TSHZ2: variants seen among roughly 807,000 people sequenced by gnomAD.
The protein encoded by TSHZ2 is teashirt homolog 2.
A neutral mutation model predicts 74.4 loss-of-function variants in TSHZ2; 21 were observed. The ratio of observed to expected loss-of-function variants is 0.28; its 90% confidence interval spans 0.20 to 0.41. The LOEUF (loss-of-function observed/expected upper bound fraction) is 0.41, where lower values mean the gene tolerates loss of function less well. Ranked by LOEUF, TSHZ2 falls within the 10% of genes least tolerant of loss-of-function variation. TSHZ2 has a pLI of 1.00. For synonymous variants in TSHZ2, 540 were observed against 515.3 expected (o/e 1.05, Z -0.65); for missense variants, 1,244 against 1,293.5 (o/e 0.96, Z 0.59).
chr20:53,297,128 C>A (rs1991394356), intron 2 of TSHZ2, among the ~76,000 whole-genome samples: 1 of 151,856 alleles, frequency 6.6e-6, no homozygotes, highest in South Asian at 2.1e-4. Context: ...TCTCTAACTG[C>A]AAAGGATTTT....
chr20:53,469,786 GAGGA>G lies in TSHZ2; in HGVS notation c.*9-17341_*9-17338del, dbSNP rs1338531618. ...AGAGGGAGGAAGGGAGGGAGGGAGG[GAGGA>G]AGGAAGGAAGGAAGGACCCAACAAA... On this transcript the variant is annotated intron_variant, in intron 2 of 2. Transcript: ENST00000371497. 1.2e-3 allele frequency among the ~76,000 whole-genome samples: 100 copies of G among 86,732 alleles called. 5 individuals are homozygous for G. The highest frequency in any genetic ancestry group is 1.9e-3 in the Non-Finnish European group (82 of 43,286). 56.9% of individuals were successfully genotyped at this position (86,732 alleles called of 152,430 possible).
chr20:53,225,097 C>A (rs950833567), intron 1 of TSHZ2, among the ~76,000 whole-genome samples: 1 of 152,154 alleles, frequency 6.6e-6, no homozygotes. Flanking sequence ...ATCAGTATGG[C>A]GATGTTCCAA....
chr20:53,340,177 C>CTTT (rs74177489), intron 2 of TSHZ2, among the ~76,000 whole-genome samples: 1,441 of 93,860 alleles, frequency 0.015, 38 homozygotes, highest in South Asian at 0.023. Context: ...ACTTTTCTTT[C>CTTT]TTTTTTCTTT....
intron 1 of TSHZ2, among the ~76,000 whole-genome samples, chr20:53,059,824 G>T (rs1328984025): frequency 6.6e-6 from 1 of 152,164 alleles, no homozygotes; most frequent in Non-Finnish European, 1.5e-5. Context: ...AGGAAGATTT[G>T]CCAGAATTTA....
chr20:53,481,128 GTT>G (rs1188756609), intron 2 of TSHZ2, among the ~76,000 whole-genome samples: 3 of 151,740 alleles, frequency 2.0e-5, no homozygotes, highest in Admixed American at 6.6e-5. Flanking sequence ...TTCTCAATCT[GTT>G]CTATGCAATT....
intron 1 of TSHZ2, among the ~76,000 whole-genome samples, chr20:53,147,884 CTT>C (rs1442526451): frequency 6.6e-6 from 1 of 152,030 alleles, no homozygotes; most frequent in African/African-American, 2.4e-5. Flanking sequence ...GCCTGGCTAA[CTT>C]TTGTATTTTT....
rs910768208 is a variant in TSHZ2 at position 53,492,861 on chromosome 20, C to T, written c.*5726C>T. On this transcript the variant is annotated 3_prime_UTR_variant, in exon 3 of 3. Coordinates refer to ENST00000371497, the MANE Select transcript of TSHZ2 (RefSeq NM_173485.6). The stretch of plus-strand genomic sequence containing the variant: ...ATTCATCCTTGCTCTAAAGTGTTTA[C>T]TTGCCAGCAAAGAAAGGCAAACACA... 1 of 152,164 alleles carries T rather than the reference C, an allele frequency of 6.6e-6. No homozygotes were observed. Among genetic ancestry groups the T allele is most frequent in the Admixed American group, 6.5e-5 (1 of 15,276 alleles). 9.4% of individuals were successfully genotyped at this position (152,164 alleles called of 1,614,324 possible).
At chr20:53,081,090 A>T (rs1283839484) in intron 1 of TSHZ2, among the ~76,000 whole-genome samples, 1 of 152,202 alleles carries the variant, frequency 6.6e-6, no homozygotes, top group Non-Finnish European at 1.5e-5. Flanking sequence ...ATCATAGCTC[A>T]CTGTAGCCTC....
chr20:53,036,264 A>G (rs1463006825), intron 1 of TSHZ2, among the ~76,000 whole-genome samples: 1 of 152,144 alleles, frequency 6.6e-6, no homozygotes. Context: ...TTCTTTTCTC[A>G]ATATGATAAA....
chr20:53,339,772 G>A (rs900406903), intron 2 of TSHZ2, among the ~76,000 whole-genome samples: 1 of 152,104 alleles, frequency 6.6e-6, no homozygotes, highest in Non-Finnish European at 1.5e-5. Context: ...AGGAAAGCTG[G>A]GGGACTCGCT....
chr20:53,153,372 G>A (rs1004928290), intron 1 of TSHZ2, among the ~76,000 whole-genome samples: 8 of 152,128 alleles, frequency 5.3e-5, no homozygotes, highest in African/African-American at 1.9e-4. Flanking sequence ...AGTTGCATGT[G>A]CCACCCTGTC....
chr20:53,001,140 C>T (rs1291321583), intron 1 of TSHZ2, among the ~76,000 whole-genome samples: 6 of 151,790 alleles, frequency 4.0e-5, no homozygotes, highest in African/African-American at 7.3e-5. Context: ...ACAACAGGAA[C>T]TCTATGAACC....
rs1047567150 is a variant in TSHZ2 at position 53,489,907 on chromosome 20, A to G, written c.*2772A>G. 6.6e-6 allele frequency: 1 copy of G among 152,252 alleles called. No individual in the cohort carries two copies. Among genetic ancestry groups the G allele is most frequent in the Non-Finnish European group, 1.5e-5 (1 of 68,044 alleles). The allele number at this position is 152,252 out of a possible 1,614,324, so 9.4% of individuals were successfully genotyped here. The stretch of plus-strand genomic sequence containing the variant: ...CTTCTTTCTGGAGGAAAAAAACTAA[A>G]TAACATAAACTCAGGAGAATGTCTT... On this transcript the variant is annotated 3_prime_UTR_variant, in exon 3 of 3. Transcript: ENST00000371497.
At chr20:53,017,909 A>T (rs1175789911) in intron 1 of TSHZ2, among the ~76,000 whole-genome samples, 2 of 152,182 alleles carry the variant, frequency 1.3e-5, no homozygotes, top group Non-Finnish European at 1.5e-5. Flanking sequence ...GATTTTATTA[A>T]TCTTGGTATT....
chr20:53,241,490 C>G (rs1208329709), intron 1 of TSHZ2, among the ~76,000 whole-genome samples: 1 of 152,082 alleles, frequency 6.6e-6, no homozygotes, highest in African/African-American at 2.4e-5. Context: ...TAAAAATACT[C>G]AATCTGATAA....
chr20:53,417,773 A>C (rs886921325), intron 2 of TSHZ2, among the ~76,000 whole-genome samples: 1 of 152,172 alleles, frequency 6.6e-6, no homozygotes, highest in East Asian at 1.9e-4. Context: ...AAACTAAAAA[A>C]TAGGGATGAG....
intron 1 of TSHZ2, among the ~76,000 whole-genome samples, chr20:52,976,747 G>T (rs1392903876): frequency 6.6e-6 from 1 of 152,086 alleles, no homozygotes; most frequent in Non-Finnish European, 1.5e-5. Flanking sequence ...AATTGCAATA[G>T]AACACACAAT....
chr20:53,221,791 G>A (rs1186684992), intron 1 of TSHZ2, among the ~76,000 whole-genome samples: 1 of 152,180 alleles, frequency 6.6e-6, no homozygotes, highest in African/African-American at 2.4e-5. Context: ...CTACTCAGCT[G>A]TTAAGTATAA....
chr20:53,183,356 C>A (rs1012461063), intron 1 of TSHZ2, among the ~76,000 whole-genome samples: 1 of 152,158 alleles, frequency 6.6e-6, no homozygotes, highest in Non-Finnish European at 1.5e-5. Flanking sequence ...CCATCCTCTG[C>A]GTCCCTGAGT....
Sources: gnomAD v4.1 joint callset for allele counts (sites outside exome capture counted in the v4.1 genomes callset) on GRCh38, gnomAD v4.1.1 for gene constraint, MANE v1.5 for transcripts, NCBI Gene and HGNC (gene_info 2026-07-23, HGNC 2026-07-21) for gene names.